PLCH1: variants seen among roughly 807,000 people sequenced by gnomAD.
The protein encoded by PLCH1 is 1-phosphatidylinositol 4,5-bisphosphate phosphodiesterase eta-1.
PLCH1 carries 60 observed loss-of-function variants against 126.7 expected under a neutral mutation model. The ratio of observed to expected loss-of-function variants is 0.47; its 90% CI spans 0.38 to 0.59. The LOEUF is 0.59. PLCH1 is among the 20% of genes least tolerant of loss of function. The probability of loss-of-function intolerance (pLI) is 0.00; values close to 1 mark genes in which losing one functional copy is unlikely to be tolerated. For missense variants in PLCH1, 1,723 were observed against 2,040.0 expected, an observed-to-expected ratio of 0.84 and a Z score of 2.99; for synonymous variants, 719 against 734.9, an observed-to-expected ratio of 0.98 and a Z score of 0.35.
chr3:155,629,772 A>C (rs1042548809), intron 2 of PLCH1, among the ~76,000 whole-genome samples: 1 of 152,170 alleles, frequency 6.6e-6, no homozygotes, highest in Non-Finnish European at 1.5e-5. Context: ...AGGGGCCTGC[A>C]TGGTCTCTTT....
chr3:155,564,465 TGAGG>T (rs1458124619), intron 8 of PLCH1, among the ~76,000 whole-genome samples: 1 of 152,048 alleles, frequency 6.6e-6, no homozygotes, highest in African/African-American at 2.4e-5. Flanking sequence ...CTTGGGAGGC[TGAGG>T]AAGGAGAATC....
intron 1 of PLCH1, among the ~76,000 whole-genome samples, chr3:155,706,172 C>CAA (rs34725442): frequency 0.024 from 1,463 of 61,548 alleles, 73 homozygotes; most frequent in African/African-American, 0.067. Flanking sequence ...GACTCTATCT[C>CAA]AAAAAAAAAA....
chr3:155,574,733 C>T (rs757015430), intron 6 of PLCH1, among the ~76,000 whole-genome samples: 4 of 152,182 alleles, frequency 2.6e-5, no homozygotes, highest in Admixed American at 6.5e-5. Context: ...TTTGAATAGA[C>T]GATTTCACAG....
At chr3:155,741,636 A>AATATTCTAT (rs559862494) in intron 1 of PLCH1, among the ~76,000 whole-genome samples, 83 of 148,954 alleles carry the variant, frequency 5.6e-4, no homozygotes, top group African/African-American at 2.0e-3. Flanking sequence ...TAAATGTTTA[A>AATATTCTAT]ATACTCTATT....
intron 1 of PLCH1, among the ~76,000 whole-genome samples, chr3:155,736,691 G>A (rs1443309565): frequency 2.0e-5 from 3 of 152,124 alleles, no homozygotes; most frequent in African/African-American, 2.4e-5. Flanking sequence ...GAAGACCTTA[G>A]AGAACACTAG....
At chr3:155,547,872 C>T (rs2108438306) in intron 10 of PLCH1, among the ~76,000 whole-genome samples, 2 of 122,532 alleles carry the variant, frequency 1.6e-5, no homozygotes, top group Admixed American at 2.2e-4. Context: ...GGGGACATCA[C>T]ACTCTGGGGA....
chr3:155,660,337 A>T (rs1352241184), intron 2 of PLCH1, among the ~76,000 whole-genome samples: 1 of 152,230 alleles, frequency 6.6e-6, no homozygotes, highest in Non-Finnish European at 1.5e-5. Context: ...CAAATTCTGA[A>T]ATTCTTAAGA....
intron 8 of PLCH1, among the ~76,000 whole-genome samples, chr3:155,563,695 A>T (rs1301221163): frequency 6.6e-6 from 1 of 152,034 alleles, no homozygotes; most frequent in Non-Finnish European, 1.5e-5. Context: ...ATCTTTCTCA[A>T]CTGCAAATCT....
At chr3:155,658,919 A>C (rs1741763066) in intron 2 of PLCH1, among the ~76,000 whole-genome samples, 1 of 152,240 alleles carries the variant, frequency 6.6e-6, no homozygotes, top group Admixed American at 6.5e-5. Flanking sequence ...GTAATTAAGA[A>C]GTTAATCTTA....
chr3:155,469,007 A>T (rs1179638948), intron 21 of PLCH1, among the ~76,000 whole-genome samples: 2 of 152,224 alleles, frequency 1.3e-5, no homozygotes, highest in Non-Finnish European at 2.9e-5. Context: ...TCAAGGACAG[A>T]CCATATGTTA....
At chr3:155,533,777 G>A (rs1357946890) in intron 10 of PLCH1, among the ~76,000 whole-genome samples, 1 of 152,200 alleles carries the variant, frequency 6.6e-6, no homozygotes, top group African/African-American at 2.4e-5. Context: ...ACTGCTCTGT[G>A]CAGCCTTGGG....
intron 2 of PLCH1, among the ~76,000 whole-genome samples, chr3:155,637,954 G>A (rs1400314318): frequency 1.3e-5 from 2 of 152,184 alleles, no homozygotes; most frequent in Non-Finnish European, 2.9e-5. Flanking sequence ...GTGCACAAAG[G>A]AAGCAAGGGG....
At chr3:155,518,196 AT>A (rs1720612064) in intron 11 of PLCH1, among the ~76,000 whole-genome samples, 1 of 152,210 alleles carries the variant, frequency 6.6e-6, no homozygotes, top group African/African-American at 2.4e-5. Context: ...TTCAATCAAT[AT>A]TTTGGGCCAT....
At chr3:155,472,436 A>G (rs1713311679) in intron 21 of PLCH1, among the ~76,000 whole-genome samples, 1 of 152,172 alleles carries the variant, frequency 6.6e-6, no homozygotes, top group Admixed American at 6.5e-5. Context: ...GCAAAAATCA[A>G]TAGTTTACCA....
downstream of PLCH1, among the ~76,000 whole-genome samples, chr3:155,478,875 C>T (rs1188176983): frequency 1.3e-5 from 2 of 152,016 alleles, no homozygotes; most frequent in Non-Finnish European, 2.9e-5. Context: ...AACCTATTTT[C>T]TTCTTTTGGG....
chr3:155,589,318 G>A (rs187966152), intron 4 of PLCH1, among the ~76,000 whole-genome samples: 8 of 152,066 alleles, frequency 5.3e-5, no homozygotes, highest in South Asian at 2.1e-4. Context: ...GAATGAACAC[G>A]GTTGTGTTCC....
chr3:155,586,240 A>G, intron 4 of PLCH1, 46 bp from the exon 5 acceptor site: 1 of 1,599,252 alleles, frequency 6.3e-7, no homozygotes, highest in South Asian at 1.1e-5. Flanking sequence ...TCAAAATTAA[A>G]AACTGCTCTC....
intron 2 of PLCH1, among the ~76,000 whole-genome samples, chr3:155,601,992 GT>G (rs946903053): frequency 1.3e-5 from 2 of 151,976 alleles, no homozygotes; most frequent in Non-Finnish European, 2.9e-5. Flanking sequence ...ATGTTTTTGA[GT>G]TTTCTATGAT....
rs59152066 is a variant in PLCH1 at position 155,633,412 on chromosome 3, T to TCACACA, written c.80-37040_80-37035dup. Among the ~76,000 whole-genome samples the TCACACA allele has an allele frequency of 9.9e-3, 1,408 of 142,420 alleles. 18 individuals are homozygous for TCACACA. The highest frequency in any genetic ancestry group is 0.046 in the South Asian group (203 of 4,446). The allele number at this position is 142,420 out of a possible 152,430, so 93.4% of individuals were successfully genotyped here. A position where few individuals can be genotyped will look rare whatever the true frequency, so the allele number is the denominator to read the frequency against. ...TTCTTTCAGCACTTATTATATAACA[T>TCACACA]CACACACACACACACACACACACAC... is the stretch of plus-strand genomic sequence containing the variant. On this transcript the variant is annotated intron_variant, in intron 2 of 22. Transcript: ENST00000460012.
Sources: gnomAD v4.1 joint callset for allele counts (sites outside exome capture counted in the v4.1 genomes callset) on GRCh38, gnomAD v4.1.1 for gene constraint, MANE v1.5 for transcripts, NCBI Gene and HGNC (gene_info 2026-07-23, HGNC 2026-07-21) for gene names.